The following CORO1B variants were observed in gnomAD, a reference collection of about 807,000 sequenced individuals.
CORO1B encodes coronin 1B, also known as coronin-1B.
CORO1B carries 30 observed loss-of-function variants against 51.1 expected under a neutral mutation model. The observed-to-expected ratio is 0.59, with a 90% CI of 0.44 to 0.80. CORO1B has a LOEUF of 0.80. CORO1B is among the 30% of genes least tolerant of loss of function. The pLI is 0.00. For missense variants in CORO1B, 648 were observed against 700.4 expected (o/e 0.93, Z 0.84); for synonymous variants, 310 against 289.7 (o/e 1.07, Z -0.71).
At chr11:67,442,218 A>G (rs918841628) in intron 2 of CORO1B, 130 bp from the exon 3 acceptor site, 4 of 1,470,882 alleles carry the variant, frequency 2.7e-6, no homozygotes, top group Non-Finnish European at 3.7e-6. Flanking sequence ...CCCACTTGCC[A>G]GGTGAGCAGG....
At chr11:67,442,749 G>A in intron 1 of CORO1B, 119 bp from the exon 2 acceptor site, 1 of 986,862 alleles carries the variant, frequency 1.0e-6, no homozygotes. Context: ...AACCCTCCTG[G>A]GTCTCGGTTT....
chr11:67,441,709 C>T (rs771741015), intron 4 of CORO1B, 24 bp downstream of exon 4: 38 of 1,562,772 alleles, frequency 2.4e-5, no homozygotes, highest in Middle Eastern at 1.7e-4. Flanking sequence ...GGGGGGGGAG[C>T]ACAAAACGGG....
intron 6 of CORO1B, chr11:67,440,808 G>A (rs1163314986): frequency 4.6e-6 from 3 of 653,156 alleles, no homozygotes; most frequent in South Asian, 1.5e-5. Flanking sequence ...CTTGCTGGAG[G>A]AGGAGGCTTT....
At position 67,436,421 on chromosome 11, in the gene CORO1B, G is replaced by T; in HGVS notation, c.*1955C>A. The T allele has an allele frequency of 5.7e-6, 8 of 1,409,832 alleles. No homozygotes were observed. Among genetic ancestry groups the T allele is most frequent in the South Asian group, 1.5e-5 (1 of 64,812 alleles). 87.3% of individuals were successfully genotyped at this position (1,409,832 alleles called of 1,614,324 possible). On this transcript the variant is annotated 3_prime_UTR_variant, in exon 11 of 11. Coordinates refer to ENST00000341356, the MANE Select transcript of CORO1B (RefSeq NM_020441.3). ...GGGCCTGGTGTGGGGCAGGCTGGGT[G>T]ACCAAGACCACTTTCGTTTTTTTCT...
At position 67,441,831 on chromosome 11, in the gene CORO1B, G is replaced by A. The variant is rs1433756857; in HGVS notation, c.356C>T (p.Ser119Phe). Residue 119 changes from serine to phenylalanine, a missense_variant, in exon 4 of 11, where the codon TCC becomes TTC. By Grantham distance (155) the Ser-to-Phe change is radical (BLOSUM62 -2). Coordinates refer to ENST00000341356, the MANE Select transcript of CORO1B (RefSeq NM_020441.3). ...TACCACCACCGGCTCTGTCAGCGGGGAGGTCAGCCCGTTCTCTGGGATCTG... is the reference window on the plus strand; with the variant it reads ...TACCACCACCGGCTCTGTCAGCGGGAAGGTCAGCCCGTTCTCTGGGATCTG... Reference protein sequence around the residue: ...VWQIPENGLTSPLTEPVVVLE... With the variant: ...VWQIPENGLTFPLTEPVVVLE... The A allele has an allele frequency of 6.2e-7, 1 of 1,613,192 alleles. No individual in the cohort carries two copies.
chr11:67,436,174 G>A lies in CORO1B; in HGVS notation c.*2202C>T. On this transcript the variant is annotated 3_prime_UTR_variant, in exon 11 of 11. Coordinates refer to ENST00000341356, the MANE Select transcript of CORO1B (RefSeq NM_020441.3). Reference sequence around the variant, plus strand: ...GGGCCGGGTGGTAGTAGCCCCCTGAGTCACGGCTGAGGCGGCGCCAGGCCA... The same window carrying A: ...GGGCCGGGTGGTAGTAGCCCCCTGAATCACGGCTGAGGCGGCGCCAGGCCA... The A allele has an allele frequency of 1.3e-6, 2 of 1,561,262 alleles. No homozygotes were observed. Among genetic ancestry groups the A allele is most frequent in the Middle Eastern group, 1.7e-4 (1 of 5,972 alleles).
In CORO1B at chr11:67,443,475, A is replaced by G. The variant is rs982757202; in HGVS notation, c.-74T>C. 6 of 985,886 alleles carry G rather than the reference A, an allele frequency of 6.1e-6. No individual in the cohort carries two copies. The highest frequency in any genetic ancestry group is 5.2e-5 in the African/African-American group (3 of 57,222). 61.1% of individuals were successfully genotyped at this position (985,886 alleles called of 1,614,324 possible). A position where few individuals can be genotyped will look rare whatever the true frequency, so the allele number is the denominator to read the frequency against. Reference sequence around the variant, plus strand: ...CTCCGGATCCCGGCCTCTGGGAAGCAGGAAGCAGGATTCAGGAAGTGACAG... The same window carrying G: ...CTCCGGATCCCGGCCTCTGGGAAGCGGGAAGCAGGATTCAGGAAGTGACAG... On this transcript the variant is annotated 5_prime_UTR_variant, in exon 1 of 11. Coordinates refer to ENST00000341356, the MANE Select transcript of CORO1B (RefSeq NM_020441.3).
At position 67,441,828 on chromosome 11, in the gene CORO1B, G is replaced by A. The variant is rs762852329; in HGVS notation, c.359C>T (p.Pro120Leu). ...CAGTACCACCACCGGCTCTGTCAGC[G>A]GGGAGGTCAGCCCGTTCTCTGGGAT... is the stretch of plus-strand genomic sequence containing the variant. ...WQIPENGLTSPLTEPVVVLEG... is the reference protein window; with the variant it reads ...WQIPENGLTSLLTEPVVVLEG... Residue 120 changes from proline (P) to leucine (L), a missense_variant, in exon 4 of 11, where the codon CCG becomes CTG. Transcript: ENST00000341356. 9 of 1,612,998 alleles carry A rather than the reference G, an allele frequency of 5.6e-6. No individual in the cohort carries two copies. Among genetic ancestry groups the A allele is most frequent in the East Asian group, 4.5e-5 (2 of 44,890 alleles).
Position 67,438,964 on chromosome 11 carries a change from G to T in CORO1B, c.1066-15C>A. 6.3e-7 allele frequency: 1 copy of T among 1,589,992 alleles called. No individual in the cohort carries two copies. ...AAGAGGTCCGACTGGGCAGGGGGCC[G>T]GGGAGGTCAGGATCAGTTAGGAGGC... is the stretch of plus-strand genomic sequence containing the variant. On this transcript the variant is annotated splice_polypyrimidine_tract_variant and intron_variant, in intron 9 of 10. Transcript: ENST00000341356.
rs1213868775 is a variant in CORO1B, at chr11:67,442,710, G to A, written c.-2-80C>T. On this transcript the variant is annotated intron_variant, in intron 1 of 10. Transcript: ENST00000341356. ...CCCCAGGCTGCTGAAGGTGAGCCGG[G>A]AGGATGCAACCGGGGGCCAGGCCAC... 9.5e-6 allele frequency: 14 copies of A among 1,471,746 alleles called. No homozygotes were observed. The Admixed American group carries it at 1.1e-4, about 11-fold the overall frequency. 91.2% of individuals were successfully genotyped at this position (1,471,746 alleles called of 1,614,324 possible). A position where few individuals can be genotyped will look rare whatever the true frequency, so the allele number is the denominator to read the frequency against.
At position 67,436,249 on chromosome 11, in the gene CORO1B, G is replaced by A. The variant is rs1864271681; in HGVS notation, c.*2127C>T. The A allele has an allele frequency of 1.1e-5, 17 of 1,545,382 alleles. No individual in the cohort carries two copies. Among genetic ancestry groups the A allele is most frequent in the Admixed American group, 3.9e-5 (2 of 51,450 alleles). ...GGAGCAGCAGCAGCAGCAGGACAACGGTGACAGAGCTGGAGCCCACGCTGT... is the reference window on the plus strand; with the variant it reads ...GGAGCAGCAGCAGCAGCAGGACAACAGTGACAGAGCTGGAGCCCACGCTGT... On this transcript the variant is annotated 3_prime_UTR_variant, in exon 11 of 11. Transcript: ENST00000341356.
At position 67,436,170 on chromosome 11, in the gene CORO1B, CT is replaced by C. The variant is rs1425755674; in HGVS notation, c.*2205del. ...AGGCGGGCCGGGTGGTAGTAGCCCC[CT>C]GAGTCACGGCTGAGGCGGCGCCAGG... On this transcript the variant is annotated 3_prime_UTR_variant, in exon 11 of 11. Coordinates refer to ENST00000341356, the MANE Select transcript of CORO1B (RefSeq NM_020441.3). 1 of 1,562,288 alleles carries C rather than the reference CT, an allele frequency of 6.4e-7. No homozygotes were observed. The highest frequency in any genetic ancestry group is 8.7e-7 in the Non-Finnish European group (1 of 1,154,124).
chr11:67,441,155 C>T lies in CORO1B; in HGVS notation c.726G>A (p.Met242Ile), dbSNP rs553858116. The T allele has an allele frequency of 2.2e-5, 36 of 1,613,090 alleles. 1 individual carries two copies. The highest frequency in any genetic ancestry group is 2.6e-5 in the Non-Finnish European group (31 of 1,180,012). Residue 242 changes from methionine to isoleucine, a missense_variant, in exon 6 of 11, where the codon ATG (methionine) becomes ATA (isoleucine). Met to Ile is a conservative substitution (Grantham distance 10, BLOSUM62 1). Transcript: ENST00000341356. ...CCCAGAGCGCCAGCTGCCGCTCGCT[C>T]ATTCGGCTGAAGCCTGTGGTGAACA... ...GKVFTTGFSR[M>I]SERQLALWDP...
At chr11:67,438,996 A>G (rs1590985418) in intron 9 of CORO1B, 47 bp from the exon 10 acceptor site, 2 of 1,547,778 alleles carry the variant, frequency 1.3e-6, no homozygotes, top group Non-Finnish European at 1.7e-6. Flanking sequence ...AGGCCCCATC[A>G]GGGTCCCCTC....
chr11:67,443,600 G>T, upstream of CORO1B: 1 of 701,428 alleles, frequency 1.4e-6, no homozygotes, highest in Non-Finnish European at 1.8e-6. Context: ...GGGGGGCCGG[G>T]AGCGGGGCCG....
chr11:67,440,159 C>CA lies in CORO1B; in HGVS notation c.965dup (p.Met322IlefsTer21), dbSNP rs1200565010. 1.2e-6 allele frequency: 2 copies of CA among 1,613,642 alleles called. No individual in the cohort carries two copies. Among genetic ancestry groups the CA allele is most frequent in the East Asian group, 2.2e-5 (1 of 44,876 alleles). ...TGCTGACCTCCAGGCCCCGCTTGGG[C>CA]ATGCTGCCCATACCCCGCTGCGGCT... On this transcript the variant is annotated frameshift_variant, in exon 8 of 11. Coordinates refer to ENST00000341356, the MANE Select transcript of CORO1B (RefSeq NM_020441.3). LOFTEE classifies it high-confidence loss of function.
intron 9 of CORO1B, among the ~76,000 whole-genome samples, chr11:67,439,520 G>A (rs999498130): frequency 1.3e-5 from 2 of 152,202 alleles, no homozygotes; most frequent in Non-Finnish European, 2.9e-5. Context: ...CTGTGTGGCT[G>A]CCACTCCCTC....
chr11:67,441,845 C>T lies in CORO1B; in HGVS notation c.342G>A (p.Glu114=). 3 of 1,613,204 alleles carry T rather than the reference C, an allele frequency of 1.9e-6. No individual in the cohort carries two copies. The highest frequency in any genetic ancestry group is 8.5e-7 in the Non-Finnish European group (1 of 1,179,982). The change falls in exon 4 of 11, where the codon GAG becomes GAA. Residue 114 remains glutamate, a synonymous_variant. Coordinates refer to ENST00000341356, the MANE Select transcript of CORO1B (RefSeq NM_020441.3). ...CTGTCAGCGGGGAGGTCAGCCCGTT[C>T]TCTGGGATCTGCCACACCTGTGGTA... The part of the protein sequence containing the change: ...DCTVMVWQIP[E]NGLTSPLTEP...
intron 2 of CORO1B, 61 bp downstream of exon 2, chr11:67,442,367 A>G: frequency 6.5e-7 from 1 of 1,537,612 alleles, no homozygotes; most frequent in African/African-American, 1.4e-5. Flanking sequence ...CAAGGTGTGC[A>G]GAAAGGCCCA....
Sources: gnomAD v4.1 joint callset for allele counts (sites outside exome capture counted in the v4.1 genomes callset) on GRCh38, gnomAD v4.1.1 for gene constraint, MANE v1.5 for transcripts, NCBI Gene and HGNC (gene_info 2026-07-23, HGNC 2026-07-21) for gene names.